KLF12: variants seen among roughly 807,000 people sequenced by gnomAD.
KLF12 encodes the protein Krueppel-like factor 12.
KLF12 carries 9 observed loss-of-function variants against 37.8 expected under a neutral mutation model. The ratio of observed to expected loss-of-function variants is 0.24; its 90% CI spans 0.14 to 0.42. The LOEUF (loss-of-function observed/expected upper bound fraction) is 0.42, where lower values mean the gene tolerates loss of function less well. Ranked by LOEUF, KLF12 falls within the 10% of genes least tolerant of loss-of-function variation. The probability of loss-of-function intolerance (pLI) is 1.00; values close to 1 mark genes in which losing one functional copy is unlikely to be tolerated. For missense variants in KLF12, 411 were observed against 516.0 expected, an observed-to-expected ratio of 0.80 and a Z score of 1.97; for synonymous variants, 208 against 202.1, an observed-to-expected ratio of 1.03 and a Z score of -0.25.
At chr13:74,255,283 A>G in the KLF12 span, among the ~76,000 whole-genome samples, 2 of 152,234 alleles carry the variant, frequency 1.3e-5, no homozygotes, top group Non-Finnish European at 2.9e-5. Flanking sequence ...AAGTTAAAGA[A>G]GGAGGGTGTT....
intron 3 of KLF12, among the ~76,000 whole-genome samples, chr13:73,880,388 C>T (rs1160337146): frequency 6.6e-6 from 1 of 152,154 alleles, no homozygotes; most frequent in Non-Finnish European, 1.5e-5. Context: ...TTTATTGCCT[C>T]ATAGGACACA....
the KLF12 span, among the ~76,000 whole-genome samples, chr13:74,146,034 T>G: frequency 6.6e-6 from 1 of 152,218 alleles, no homozygotes; most frequent in South Asian, 2.1e-4. Context: ...TATAATTACC[T>G]TGGAATTTTG....
intron 1 of KLF12, among the ~76,000 whole-genome samples, chr13:74,005,060 G>A (rs1207481819): frequency 6.6e-6 from 1 of 152,146 alleles, no homozygotes; most frequent in Non-Finnish European, 1.5e-5. Flanking sequence ...CTGTGCTTGA[G>A]GCTGTTACCC....
chr13:74,122,440 T>C (rs1877687374), intron 1 of KLF12, among the ~76,000 whole-genome samples: 1 of 152,094 alleles, frequency 6.6e-6, no homozygotes, highest in East Asian at 1.9e-4. Context: ...GAGAGCGTAT[T>C]TGCCTGCATT....
rs529243781 is a variant in KLF12 at position 74,092,847 on chromosome 13, A to G, written c.-32+40892T>C. ...AACAAGGACATAAAAGATGCTCAAC[A>G]TCGTTAGTTATCAGGGAAATGCAAA... On this transcript the variant is annotated intron_variant, in intron 1 of 7. Coordinates refer to ENST00000377669, the MANE Select transcript of KLF12 (RefSeq NM_007249.5). Among the ~76,000 whole-genome samples, 43 of 152,312 alleles carry G rather than the reference A, an allele frequency of 2.8e-4. No homozygotes were observed. The South Asian group carries it at 8.7e-3, about 31-fold the overall frequency.
Position 74,026,139 on chromosome 13 carries a change from T to C in KLF12, c.-31-31086A>G, listed in dbSNP as rs543987246. ...ATTGCAAATTCATTACATGAAAAAA[T>C]TAACTCAAGATTTTGAAGAAAAAAA... On this transcript the variant is annotated intron_variant, in intron 1 of 7. Coordinates refer to ENST00000377669, the MANE Select transcript of KLF12 (RefSeq NM_007249.5). 4.2e-5 allele frequency among the ~76,000 whole-genome samples: 6 copies of C among 142,466 alleles called. No homozygotes were observed. In the South Asian group the frequency reaches 1.2e-3, roughly 28 times the overall value. 93.5% of individuals were successfully genotyped at this position (142,466 alleles called of 152,430 possible).
chr13:74,075,325 T>TA (rs901708218), intron 1 of KLF12, among the ~76,000 whole-genome samples: 6 of 152,114 alleles, frequency 3.9e-5, no homozygotes, highest in African/African-American at 1.4e-4. Flanking sequence ...TAAGCTAGGT[T>TA]AAAAAAATAA....
At chr13:73,711,190 TCTCCATAACATATAAGTGCA>T (rs1875370558) in intron 7 of KLF12, among the ~76,000 whole-genome samples, 1 of 152,174 alleles carries the variant, frequency 6.6e-6, no homozygotes, top group South Asian at 2.1e-4. Context: ...ACAGAAGCTG[TCTCCATAACATATAAGTGCA>T]AGTTGTAGCA....
At chr13:74,090,229 A>G (rs1045385672) in intron 1 of KLF12, among the ~76,000 whole-genome samples, 1 of 152,104 alleles carries the variant, frequency 6.6e-6, no homozygotes, top group African/African-American at 2.4e-5. Flanking sequence ...TAAATTTAAC[A>G]AAAGAAGTAT....
chr13:73,810,775 G>A (rs956642911), intron 5 of KLF12, among the ~76,000 whole-genome samples: 10 of 152,096 alleles, frequency 6.6e-5, no homozygotes, highest in African/African-American at 2.4e-4. Flanking sequence ...ATATACAGAT[G>A]AGAACACAGA....
the KLF12 span, among the ~76,000 whole-genome samples, chr13:74,154,941 T>C: frequency 6.6e-6 from 1 of 152,240 alleles, no homozygotes; most frequent in Admixed American, 6.5e-5. Flanking sequence ...TCACCTAAGC[T>C]GGTATCCCCT....
chr13:73,927,863 C>CTTT (rs61339045), intron 3 of KLF12, among the ~76,000 whole-genome samples: 1 of 133,756 alleles, frequency 7.5e-6, no homozygotes, highest in African/African-American at 2.9e-5. Flanking sequence ...GCTGGGATCT[C>CTTT]TTTTTTTTTT....
intron 5 of KLF12, among the ~76,000 whole-genome samples, chr13:73,808,892 G>C (rs561993467): frequency 6.6e-6 from 1 of 152,302 alleles, no homozygotes; most frequent in Admixed American, 6.5e-5. Flanking sequence ...CCCAGGGCAA[G>C]GCAATTTCAC....
chr13:74,198,565 C>T, the KLF12 span, among the ~76,000 whole-genome samples: 3 of 152,160 alleles, frequency 2.0e-5, no homozygotes, highest in Non-Finnish European at 2.9e-5. Flanking sequence ...ATTTCATAGA[C>T]TAGTCTTATG....
At chr13:74,305,596 G>GTT in the KLF12 span, among the ~76,000 whole-genome samples, 3 of 152,012 alleles carry the variant, frequency 2.0e-5, no homozygotes, top group African/African-American at 7.2e-5. Flanking sequence ...ACTGCTTACA[G>GTT]TTCAGTGGGG....
intron 6 of KLF12, among the ~76,000 whole-genome samples, chr13:73,762,279 CT>C (rs1331585953): frequency 6.6e-6 from 1 of 152,058 alleles, no homozygotes; most frequent in Non-Finnish European, 1.5e-5. Context: ...TACAGATATT[CT>C]TTTTCTTCAG....
At chr13:73,908,387 G>T (rs1888404559) in intron 3 of KLF12, among the ~76,000 whole-genome samples, 1 of 132,524 alleles carries the variant, frequency 7.5e-6, no homozygotes. Context: ...GGGTGACAGA[G>T]CGAGACTCTG....
intron 5 of KLF12, among the ~76,000 whole-genome samples, chr13:73,807,803 C>A (rs1368828729): frequency 1.3e-5 from 2 of 152,210 alleles, no homozygotes; most frequent in Admixed American, 1.3e-4. Context: ...TTTCACCCCA[C>A]TCTTCCTCTC....
At chr13:74,170,215 A>T in the KLF12 span, among the ~76,000 whole-genome samples, 7 of 152,228 alleles carry the variant, frequency 4.6e-5, no homozygotes, top group Admixed American at 4.6e-4. Flanking sequence ...AGAGTATATT[A>T]TAAAAATGGT....
Sources: gnomAD v4.1 joint callset for allele counts (sites outside exome capture counted in the v4.1 genomes callset) on GRCh38, gnomAD v4.1.1 for gene constraint, MANE v1.5 for transcripts, NCBI Gene and HGNC (gene_info 2026-07-23, HGNC 2026-07-21) for gene names.